ATP6V1C1: variants seen among roughly 807,000 people sequenced by gnomAD.
ATP6V1C1 encodes the protein V-type proton ATPase subunit C 1.
In ATP6V1C1, 45 loss-of-function variants were observed where a neutral mutation model predicts 53.9. The ratio of observed to expected loss-of-function variants is 0.83; its 90% CI spans 0.66 to 1.07. The LOEUF is 1.07. ATP6V1C1 is among the 50% of genes least tolerant of loss of function. ATP6V1C1 has a pLI of 0.00. For missense variants in ATP6V1C1, 315 were observed against 440.3 expected (o/e 0.72, Z 2.55); for synonymous variants, 153 against 155.2 (o/e 0.99, Z 0.11).
chr8:103,033,260 C>T (rs1389111609), intron 1 of ATP6V1C1, among the ~76,000 whole-genome samples: 1 of 152,126 alleles, frequency 6.6e-6, no homozygotes, highest in Non-Finnish European at 1.5e-5. Context: ...TTTGACAGTG[C>T]TCACACAGGT....
chr8:103,060,371 GTCTT>G (rs1367511665), intron 8 of ATP6V1C1, among the ~76,000 whole-genome samples: 2 of 152,022 alleles, frequency 1.3e-5, no homozygotes, highest in Non-Finnish European at 2.9e-5. Flanking sequence ...TCTCTTTTTT[GTCTT>G]TCTTTCAAAC....
chr8:103,033,452 T>C (rs1287162963), intron 1 of ATP6V1C1, among the ~76,000 whole-genome samples: 1 of 152,232 alleles, frequency 6.6e-6, no homozygotes, highest in Non-Finnish European at 1.5e-5. Flanking sequence ...TGAAGAATAT[T>C]CAGCAAATAT....
In ATP6V1C1 at chr8:103,063,046, A is replaced by C. The variant is rs1426421196; in HGVS notation, c.733A>C (p.Lys245Gln). 3 of 1,613,756 alleles carry C rather than the reference A, an allele frequency of 1.9e-6. No individual in the cohort carries two copies. Among genetic ancestry groups the C allele is most frequent in the Admixed American group, 3.3e-5 (2 of 60,022 alleles). ...CTTCAGACACAAAGCCAGAGAAAAC[A>C]AGTAAGATTATTGTTTTTTTGTTTA... The part of the protein sequence containing the change: ...DDFRHKAREN[K>Q]FIVRDFQYNE... Residue 245 changes from lysine to glutamine, a missense_variant and splice_region_variant, in exon 9 of 13, where the codon AAA becomes CAA. Coordinates refer to ENST00000518738, the MANE Select transcript of ATP6V1C1 (RefSeq NM_001695.5).
chr8:103,026,775 T>C (rs1816704307), intron 1 of ATP6V1C1, among the ~76,000 whole-genome samples: 1 of 152,168 alleles, frequency 6.6e-6, no homozygotes, highest in Non-Finnish European at 1.5e-5. Context: ...ATCGCGCCAG[T>C]GCACTCCAGC....
At chr8:103,022,854 G>A (rs1816622476) in intron 1 of ATP6V1C1, among the ~76,000 whole-genome samples, 1 of 152,022 alleles carries the variant, frequency 6.6e-6, no homozygotes, top group Non-Finnish European at 1.5e-5. Flanking sequence ...TTCAGGACCA[G>A]CCTGGGCAAC....
Position 103,050,852 on chromosome 8 carries a change from AAGG to A in ATP6V1C1, c.287-195_287-193del, listed in dbSNP as rs1204362978. ...TCTTAATATGTATTAAAGTTTGAGT[AAGG>A]AGAAGAGATTACAAGGTAGAAATTT... On this transcript the variant is annotated intron_variant, in intron 4 of 12. Coordinates refer to ENST00000518738, the MANE Select transcript of ATP6V1C1 (RefSeq NM_001695.5). Among the ~76,000 whole-genome samples the A allele has an allele frequency of 2.6e-5, 4 of 152,302 alleles. No homozygotes were observed. The South Asian group carries it at 6.2e-4, about 24-fold the overall frequency.
At chr8:103,040,403 G>A (rs2131388464) in intron 1 of ATP6V1C1, among the ~76,000 whole-genome samples, 3 of 145,922 alleles carry the variant, frequency 2.1e-5, no homozygotes, top group Middle Eastern at 7.1e-3. Flanking sequence ...GACAGAGTGA[G>A]ACACTGTCTC....
In ATP6V1C1 at chr8:103,052,863, A is replaced by G. The variant is rs775453876; in HGVS notation, c.473+41A>G. 8 of 1,237,892 alleles carry G rather than the reference A, an allele frequency of 6.5e-6. No homozygotes were observed. In the East Asian group the frequency reaches 7.5e-5, roughly 12 times the overall value. The allele number at this position is 1,237,892 out of a possible 1,614,324, so 76.7% of individuals were successfully genotyped here. On this transcript the variant is annotated intron_variant, in intron 6 of 12. Coordinates refer to ENST00000518738, the MANE Select transcript of ATP6V1C1 (RefSeq NM_001695.5). ...ATATTTGAGTACTAAGAACTGGGGA[A>G]GCATACTAGCATGCACCGAAGGAGA...
intron 1 of ATP6V1C1, 92 bp from the exon 2 acceptor site, chr8:103,040,706 A>G (rs1816983622): frequency 9.0e-7 from 1 of 1,106,206 alleles, no homozygotes; most frequent in East Asian, 2.7e-5. Flanking sequence ...GTTTTGAAAC[A>G]GGTTATATGT....
intron 1 of ATP6V1C1, among the ~76,000 whole-genome samples, chr8:103,028,592 A>G (rs1816738544): frequency 6.6e-6 from 1 of 152,350 alleles, no homozygotes; most frequent in East Asian, 1.9e-4. Context: ...CACCTAGTAT[A>G]GGTTCAGGTA....
At chr8:103,063,075 AC>A in intron 9 of ATP6V1C1, 28 bp downstream of exon 9, 1 of 1,612,266 alleles carries the variant, frequency 6.2e-7, no homozygotes, top group Non-Finnish European at 8.5e-7. Flanking sequence ...TTGTTTATTT[AC>A]TTTGTTAGAT....
chr8:103,036,910 C>T (rs1375625980), intron 1 of ATP6V1C1, among the ~76,000 whole-genome samples: 2 of 152,142 alleles, frequency 1.3e-5, no homozygotes, highest in Admixed American at 1.3e-4. Flanking sequence ...CTTTGATATA[C>T]TAACAGAAAA....
chr8:103,021,910 C>G (rs1418310786), intron 1 of ATP6V1C1, among the ~76,000 whole-genome samples: 1 of 152,108 alleles, frequency 6.6e-6, no homozygotes, highest in Non-Finnish European at 1.5e-5. Flanking sequence ...AGCTAGTATT[C>G]TTTTCAGAGG....
intron 1 of ATP6V1C1, among the ~76,000 whole-genome samples, chr8:103,025,127 G>T (rs770053827): frequency 2.6e-5 from 4 of 152,084 alleles, no homozygotes; most frequent in Admixed American, 6.6e-5. Context: ...GAAAGGGATC[G>T]ATGGATCTTC....
chr8:103,040,714 T>C, intron 1 of ATP6V1C1, 84 bp from the exon 2 acceptor site: 1 of 1,233,270 alleles, frequency 8.1e-7, no homozygotes, highest in South Asian at 1.6e-5. Context: ...ACAGGTTATA[T>C]GTTATAACTT....
intron 8 of ATP6V1C1, among the ~76,000 whole-genome samples, chr8:103,058,936 C>T (rs1272238856): frequency 6.6e-6 from 1 of 150,962 alleles, no homozygotes; most frequent in Admixed American, 6.6e-5. Context: ...AAACACTGTT[C>T]AGAAAGAGGT....
At chr8:103,042,806 A>G (rs1391036268) in intron 3 of ATP6V1C1, among the ~76,000 whole-genome samples, 1 of 152,154 alleles carries the variant, frequency 6.6e-6, no homozygotes, top group East Asian at 1.9e-4. Context: ...TTCTGCCACT[A>G]TAGATTTGCT....
chr8:103,061,970 A>G (rs1358040315), intron 8 of ATP6V1C1, among the ~76,000 whole-genome samples: 2 of 152,098 alleles, frequency 1.3e-5, no homozygotes, highest in South Asian at 2.1e-4. Context: ...CACCCAAGGT[A>G]TTACAGATTT....
At chr8:103,059,633 A>G (rs1229373525) in intron 8 of ATP6V1C1, among the ~76,000 whole-genome samples, 1 of 151,580 alleles carries the variant, frequency 6.6e-6, no homozygotes, top group Non-Finnish European at 1.5e-5. Context: ...AAATGGTCAA[A>G]TATCTACAAT....
Sources: gnomAD v4.1 joint callset for allele counts (sites outside exome capture counted in the v4.1 genomes callset) on GRCh38, gnomAD v4.1.1 for gene constraint, MANE v1.5 for transcripts, NCBI Gene and HGNC (gene_info 2026-07-23, HGNC 2026-07-21) for gene names.